The following ARID5B variants were observed in gnomAD, a reference collection of about 807,000 sequenced individuals.
The protein encoded by ARID5B is AT-rich interactive domain-containing protein 5B.
ARID5B carries 13 observed loss-of-function variants against 97.2 expected under a neutral mutation model. That is an observed-to-expected ratio of 0.13 (90% confidence interval 0.09 to 0.21). ARID5B has a LOEUF of 0.21. Among genes scored for constraint, ARID5B ranks in the 10% least tolerant of loss-of-function variants. The pLI is 1.00. For synonymous variants in ARID5B, 556 were observed against 570.3 expected (o/e 0.97, Z 0.36); for missense variants, 1,210 against 1,465.3 (o/e 0.83, Z 2.84).
Position 62,062,261 on chromosome 10 carries a change from G to A in ARID5B, c.1101+2966G>A, listed in dbSNP as rs866635719. 6.6e-5 allele frequency among the ~76,000 whole-genome samples: 10 copies of A among 152,298 alleles called. No homozygotes were observed. In the South Asian group the frequency reaches 8.3e-4, roughly 13 times the overall value. Reference sequence around the variant, plus strand: ...TTTGACATGATCTGATATCAGAAACGAGTGTAGACTTGTAGTCATTTAGAA... The same window carrying A: ...TTTGACATGATCTGATATCAGAAACAAGTGTAGACTTGTAGTCATTTAGAA... On this transcript the variant is annotated intron_variant, in intron 7 of 9. Coordinates refer to ENST00000279873, the MANE Select transcript of ARID5B (RefSeq NM_032199.3).
intron 4 of ARID5B, among the ~76,000 whole-genome samples, chr10:62,031,241 G>C (rs1342028790): frequency 6.6e-6 from 1 of 152,150 alleles, no homozygotes; most frequent in African/African-American, 2.4e-5. Flanking sequence ...CTCAAAAAAA[G>C]AGAGTAAATC....
intron 4 of ARID5B, among the ~76,000 whole-genome samples, chr10:62,045,102 G>T (rs561859634): frequency 1.9e-4 from 29 of 152,258 alleles, no homozygotes; most frequent in Middle Eastern, 3.4e-3. Context: ...TTAAGTTAAA[G>T]CCAAAATGAG....
At chr10:62,074,409 G>A (rs1363259073) in intron 8 of ARID5B, among the ~76,000 whole-genome samples, 1 of 152,214 alleles carries the variant, frequency 6.6e-6, no homozygotes, top group Non-Finnish European at 1.5e-5. Flanking sequence ...TCTTTGCAGG[G>A]ACTTAAGGTG....
chr10:62,036,470 C>T (rs147301780), intron 4 of ARID5B, among the ~76,000 whole-genome samples: 40 of 152,278 alleles, frequency 2.6e-4, no homozygotes, highest in African/African-American at 9.1e-4. Context: ...TGTTTTGCTG[C>T]TAGTACCTCA....
intron 4 of ARID5B, among the ~76,000 whole-genome samples, chr10:62,030,134 CTTTTTT>C (rs547553279): frequency 7.5e-5 from 11 of 145,738 alleles, no homozygotes; most frequent in African/African-American, 2.3e-4. Flanking sequence ...TTTTCTTTTT[CTTTTTT>C]TTTTTGAGAC....
At chr10:61,947,251 CACTT>C in intron 3 of ARID5B, among the ~76,000 whole-genome samples, 2 of 138,470 alleles carry the variant, frequency 1.4e-5, no homozygotes, top group Non-Finnish European at 3.2e-5. Context: ...TATATCTTCT[CACTT>C]ACTTTCTTTT....
intron 2 of ARID5B, among the ~76,000 whole-genome samples, chr10:61,930,596 T>G (rs1844188416): frequency 6.6e-6 from 1 of 152,026 alleles, no homozygotes; most frequent in Middle Eastern, 3.4e-3. Flanking sequence ...GGCGGGCACC[T>G]GTAGTCCCAG....
chr10:61,994,550 C>A (rs923560061), intron 3 of ARID5B, among the ~76,000 whole-genome samples: 3 of 152,102 alleles, frequency 2.0e-5, no homozygotes, highest in Non-Finnish European at 2.9e-5. Context: ...TCTCTTTGTA[C>A]AAAGACAACT....
At position 61,929,491 on chromosome 10, in the gene ARID5B, A is replaced by G. The variant is rs952241560; in HGVS notation, c.277-10692A>G. Among the ~76,000 whole-genome samples, 13 of 152,160 alleles carry G rather than the reference A, an allele frequency of 8.5e-5. 1 individual carries two copies. Among genetic ancestry groups the G allele is most frequent in the Admixed American group, 8.5e-4 (13 of 15,274 alleles). On this transcript the variant is annotated intron_variant, in intron 2 of 9. Coordinates refer to ENST00000279873, the MANE Select transcript of ARID5B (RefSeq NM_032199.3). ...TGTTCTTTCTCTGGAGGGATGCCAT[A>G]TTAGTAAGGATATAGGTTCAGCTGT...
chr10:62,002,157 T>C (rs1839088106), intron 4 of ARID5B, among the ~76,000 whole-genome samples: 2 of 152,238 alleles, frequency 1.3e-5, no homozygotes, highest in Admixed American at 1.3e-4. Flanking sequence ...ACCTTTCTGG[T>C]TAATTTAAGA....
intron 4 of ARID5B, among the ~76,000 whole-genome samples, chr10:62,029,101 T>C (rs892744469): frequency 1.3e-5 from 2 of 152,208 alleles, no homozygotes; most frequent in African/African-American, 4.8e-5. Context: ...GTGGGACACT[T>C]TGAGGTGGCA....
In ARID5B at chr10:62,024,871, T is replaced by A. The variant is rs1416393045; in HGVS notation, c.733+24550T>A. On this transcript the variant is annotated intron_variant, in intron 4 of 9. Transcript: ENST00000279873. ...TTTTAAAATATCGAGAATGGCTCTG[T>A]ACCAAAGACACTTAGGAATAGACAA... 29 of 359,582 alleles carry A rather than the reference T, an allele frequency of 8.1e-5. No homozygotes were observed. The East Asian group carries it at 1.1e-3, about 14-fold the overall frequency. 22.3% of individuals were successfully genotyped at this position (359,582 alleles called of 1,614,324 possible).
At chr10:61,922,131 C>T (rs1844026400) in intron 2 of ARID5B, among the ~76,000 whole-genome samples, 3 of 152,190 alleles carry the variant, frequency 2.0e-5, no homozygotes, top group Non-Finnish European at 4.4e-5. Flanking sequence ...ATTTGTTAGT[C>T]TTACAGCATG....
chr10:61,966,887 G>A (rs998223518), intron 3 of ARID5B, among the ~76,000 whole-genome samples: 8 of 152,124 alleles, frequency 5.3e-5, no homozygotes, highest in Middle Eastern at 3.4e-3. Flanking sequence ...AACCAATGTG[G>A]CATATTATAA....
At chr10:61,945,791 C>T (rs1451384561) in intron 3 of ARID5B, among the ~76,000 whole-genome samples, 2 of 151,908 alleles carry the variant, frequency 1.3e-5, no homozygotes, top group East Asian at 1.9e-4. Context: ...TTATCAGAAG[C>T]AGGTTCTGTA....
chr10:61,968,400 T>C (rs914148737), intron 3 of ARID5B, among the ~76,000 whole-genome samples: 1 of 151,670 alleles, frequency 6.6e-6, no homozygotes, highest in Non-Finnish European at 1.5e-5. Flanking sequence ...CTGATGTCTC[T>C]TTCTGGTTAA....
At position 62,094,708 on chromosome 10, in the gene ARID5B, G is replaced by C. The variant is rs1035101846; in HGVS notation, c.*1678G>C. The C allele has an allele frequency of 2.2e-5, 5 of 231,530 alleles. No homozygotes were observed. Among genetic ancestry groups the C allele is most frequent in the African/African-American group, 1.1e-4 (5 of 45,234 alleles). The allele number at this position is 231,530 out of a possible 1,614,324, so 14.3% of individuals were successfully genotyped here. A position where few individuals can be genotyped will look rare whatever the true frequency, so the allele number is the denominator to read the frequency against. On this transcript the variant is annotated 3_prime_UTR_variant, in exon 10 of 10. Transcript: ENST00000279873. ...AATTAAAAGTCAATGGATACAGAGA[G>C]TGGATTTTCTCCCCAAGTCCCATCC...
intron 7 of ARID5B, among the ~76,000 whole-genome samples, chr10:62,061,821 G>T (rs759510074): frequency 6.6e-6 from 1 of 152,268 alleles, no homozygotes; most frequent in Non-Finnish European, 1.5e-5. Context: ...TTATGCCAAC[G>T]TGGCATAATT....
At chr10:61,918,107 G>A (rs1251744877) in intron 2 of ARID5B, among the ~76,000 whole-genome samples, 1 of 152,222 alleles carries the variant, frequency 6.6e-6, no homozygotes, top group Non-Finnish European at 1.5e-5. Context: ...TGGGAAATGA[G>A]GTAGACTGAG....
Sources: allele counts gnomAD v4.1 joint callset (sites outside exome capture counted in the v4.1 genomes callset), GRCh38; gene constraint gnomAD v4.1.1; transcripts MANE v1.5; gene names NCBI Gene and HGNC (gene_info 2026-07-23, HGNC 2026-07-21).